The following SCP2 variants were observed in gnomAD, a reference collection of about 807,000 sequenced individuals.
SCP2 encodes the protein sterol carrier protein 2, also known as SCP-2/3-oxoacyl-CoA thiolase.
A neutral mutation model predicts 71.4 loss-of-function variants in SCP2; 48 were observed. The ratio of observed to expected loss-of-function variants is 0.67; its 90% CI spans 0.53 to 0.86. The LOEUF is 0.86. Among genes scored for constraint, SCP2 ranks in the 40% least tolerant of loss-of-function variants. The pLI, the probability that SCP2 is intolerant of heterozygous loss-of-function variation, is 0.00. For synonymous variants in SCP2, 220 were observed against 218.1 expected (o/e 1.01, Z -0.08); for missense variants, 560 against 655.6 (o/e 0.85, Z 1.59).
chr1:52,977,758 C>T (rs1191686921), intron 8 of SCP2, among the ~76,000 whole-genome samples: 1 of 152,018 alleles, frequency 6.6e-6, no homozygotes, highest in Non-Finnish European at 1.5e-5. Context: ...GTTGGGAGTT[C>T]GAGACCAACC....
At chr1:52,959,283 C>T (rs1212920444) in intron 5 of SCP2, among the ~76,000 whole-genome samples, 4 of 151,830 alleles carry the variant, frequency 2.6e-5, no homozygotes, top group African/African-American at 9.7e-5. Context: ...GCAACCTCCA[C>T]CTCCCAGGTT....
At chr1:52,975,102 G>T (rs538512266) in intron 7 of SCP2, among the ~76,000 whole-genome samples, 32 of 152,070 alleles carry the variant, frequency 2.1e-4, no homozygotes, top group African/African-American at 7.7e-4. Flanking sequence ...AGGCTGGAGT[G>T]CAGTGGCGTG....
At position 52,964,217 on chromosome 1, in the gene SCP2, T is replaced by C. The variant is rs868257659; in HGVS notation, c.523+2588T>C. Among the ~76,000 whole-genome samples the C allele has an allele frequency of 4.3e-3, 643 of 148,380 alleles. 2 individuals are homozygous for C. In the Middle Eastern group the frequency reaches 0.063, roughly 15 times the overall value. Reference sequence around the variant, plus strand: ...GTCAAATTTTTTTCTTTTCTCTCTTTTTTTTTTTTTTTTTGAGACAGAGTC... The same window carrying C: ...GTCAAATTTTTTTCTTTTCTCTCTTCTTTTTTTTTTTTTTGAGACAGAGTC... On this transcript the variant is annotated intron_variant, in intron 6 of 15. Coordinates refer to ENST00000371514, the MANE Select transcript of SCP2 (RefSeq NM_002979.5).
intron 4 of SCP2, among the ~76,000 whole-genome samples, chr1:52,953,935 T>C (rs1178968443): frequency 1.3e-5 from 2 of 149,786 alleles, no homozygotes; most frequent in African/African-American, 2.5e-5. Flanking sequence ...TGAGCCATGA[T>C]TGCACTACTG....
At chr1:52,967,977 TG>T (rs1657130661) in intron 6 of SCP2, among the ~76,000 whole-genome samples, 1 of 152,144 alleles carries the variant, frequency 6.6e-6, no homozygotes, top group African/African-American at 2.4e-5. Flanking sequence ...TAGCCTCCAG[TG>T]GTATACTGAG....
chr1:53,042,644 C>T (rs1157315288), intron 14 of SCP2, among the ~76,000 whole-genome samples: 1 of 152,140 alleles, frequency 6.6e-6, no homozygotes, highest in Non-Finnish European at 1.5e-5. Context: ...TTACATCAAC[C>T]AACAAATGGC....
chr1:52,983,899 A>G (rs1324292410), intron 10 of SCP2, among the ~76,000 whole-genome samples: 3 of 152,182 alleles, frequency 2.0e-5, no homozygotes, highest in Admixed American at 1.3e-4. Flanking sequence ...TGAATGTCCT[A>G]TTATATAGAT....
rs374084722 is a variant in SCP2, at chr1:53,015,014, C to T, written c.1206C>T (p.Leu402=). ...LGIGGAVVVT[L]YKMGFPEAAS... ...TTGGAGGAGCTGTGGTTGTAACACT[C>T]TACAAGATGGGTTTTCCGGAAGCCG... Residue 402 remains leucine (L), a synonymous_variant, in exon 12 of 16, where the codon CTC becomes CTT. Transcript: ENST00000371514. 1 of 1,614,136 alleles carries T rather than the reference C, an allele frequency of 6.2e-7. No homozygotes were observed. The highest frequency in any genetic ancestry group is 2.2e-5 in the East Asian group (1 of 44,884).
chr1:53,026,485 C>T (rs1662139575), intron 12 of SCP2, among the ~76,000 whole-genome samples: 1 of 152,132 alleles, frequency 6.6e-6, no homozygotes, highest in South Asian at 2.1e-4. Context: ...AAATGTCTTG[C>T]TTGGCATGTA....
intron 10 of SCP2, among the ~76,000 whole-genome samples, chr1:52,982,665 T>C (rs1658640883): frequency 6.6e-6 from 1 of 152,204 alleles, no homozygotes; most frequent in Admixed American, 6.5e-5. Context: ...GTTAATATTG[T>C]ACCACTTCAC....
intron 4 of SCP2, among the ~76,000 whole-genome samples, chr1:52,953,422 C>A (rs985342187): frequency 6.6e-6 from 1 of 152,086 alleles, no homozygotes; most frequent in Non-Finnish European, 1.5e-5. Flanking sequence ...CTCCTGCCAC[C>A]TGTGCCTCTT....
chr1:53,045,364 T>A (rs1663725846), intron 14 of SCP2, among the ~76,000 whole-genome samples: 1 of 152,230 alleles, frequency 6.6e-6, no homozygotes. Context: ...TTCAACAGCA[T>A]AAGATTCATT....
intron 2 of SCP2, among the ~76,000 whole-genome samples, chr1:52,947,340 G>T (rs908076382): frequency 6.8e-6 from 1 of 146,752 alleles, no homozygotes; most frequent in African/African-American, 2.5e-5. Flanking sequence ...TTTTGCTTTC[G>T]TTCTTCTGGT....
At chr1:53,007,219 G>A (rs1372955313) in intron 11 of SCP2, among the ~76,000 whole-genome samples, 5 of 151,954 alleles carry the variant, frequency 3.3e-5, no homozygotes, top group Non-Finnish European at 7.4e-5. Context: ...TTAGATCAAC[G>A]AGAGAGAAAG....
intron 11 of SCP2, chr1:52,995,713 T>A: frequency 1.3e-6 from 1 of 759,218 alleles, no homozygotes; most frequent in African/African-American, 1.7e-5. Flanking sequence ...GCAGCTACTT[T>A]GTGGAGTGGA....
intron 12 of SCP2, among the ~76,000 whole-genome samples, chr1:53,020,821 T>C (rs1661665317): frequency 6.6e-6 from 1 of 152,294 alleles, no homozygotes; most frequent in South Asian, 2.1e-4. Context: ...GATGGACCCA[T>C]GTGCCTGCTC....
At chr1:52,968,388 C>G (rs1657166740) in intron 6 of SCP2, among the ~76,000 whole-genome samples, 1 of 152,122 alleles carries the variant, frequency 6.6e-6, no homozygotes, top group African/African-American at 2.4e-5. Flanking sequence ...TACCCTCATT[C>G]ATTTCTTCAT....
intron 15 of SCP2, 45 bp downstream of exon 15, chr1:53,047,982 A>G: frequency 7.6e-7 from 1 of 1,316,268 alleles, no homozygotes; most frequent in Middle Eastern, 1.8e-4. Context: ...TAGGTCTTTC[A>G]GCCCTTTCTA....
chr1:52,976,680 T>C lies in SCP2; in HGVS notation c.588-3T>C. 1 of 1,474,274 alleles carries C rather than the reference T, an allele frequency of 6.8e-7. No individual in the cohort carries two copies. The highest frequency in any genetic ancestry group is 9.5e-7 in the Non-Finnish European group (1 of 1,053,516). The allele number at this position is 1,474,274 out of a possible 1,614,324, so 91.3% of individuals were successfully genotyped here. On this transcript the variant is annotated splice_polypyrimidine_tract_variant and splice_region_variant and intron_variant, in intron 7 of 15. Coordinates refer to ENST00000371514, the MANE Select transcript of SCP2 (RefSeq NM_002979.5). ...CTGTAACTAATATTTATTTTGTATT[T>C]AGGTATTCCCAGTTCCAAGATGAAT... is the stretch of plus-strand genomic sequence containing the variant.
Sources: gnomAD v4.1 joint callset for allele counts (sites outside exome capture counted in the v4.1 genomes callset) on GRCh38, gnomAD v4.1.1 for gene constraint, MANE v1.5 for transcripts, NCBI Gene and HGNC (gene_info 2026-07-23, HGNC 2026-07-21) for gene names.